The following RANBP2 variants were observed in gnomAD, a reference collection of about 807,000 sequenced individuals.
RANBP2 encodes RAN binding protein 2, also known as E3 SUMO-protein ligase RanBP2.
RANBP2 carries 57 observed loss-of-function variants against 303.6 expected under a neutral mutation model. That is an observed-to-expected ratio of 0.19 (90% confidence interval 0.15 to 0.23). The LOEUF (loss-of-function observed/expected upper bound fraction) is 0.23. Ranked by LOEUF, RANBP2 falls within the 10% of genes least tolerant of loss-of-function variation. The pLI is 1.00. For missense variants in RANBP2, 3,138 were observed against 3,780.8 expected (o/e 0.83, Z 4.46); for synonymous variants, 1,167 against 1,301.5 (o/e 0.90, Z 2.23).
the RANBP2 span, among the ~76,000 whole-genome samples, chr2:109,710,558 G>T: frequency 6.6e-6 from 1 of 152,180 alleles, no homozygotes; most frequent in African/African-American, 2.4e-5. Context: ...GCTCACCTCT[G>T]CGAGGTGCCA....
the RANBP2 span, among the ~76,000 whole-genome samples, chr2:109,499,155 A>G: frequency 1.3e-5 from 2 of 151,938 alleles, no homozygotes; most frequent in African/African-American, 4.8e-5. Context: ...GGAGCCACCC[A>G]CAGGAGACCT....
chr2:109,631,138 G>T, the RANBP2 span, among the ~76,000 whole-genome samples: 4 of 152,190 alleles, frequency 2.6e-5, no homozygotes, highest in African/African-American at 4.8e-5. Context: ...TGCTGTTGAT[G>T]ATTAAACAGA....
the RANBP2 span, among the ~76,000 whole-genome samples, chr2:109,021,419 A>T: frequency 6.6e-6 from 1 of 150,710 alleles, no homozygotes; most frequent in African/African-American, 2.4e-5. Flanking sequence ...GCTACTCGGG[A>T]GGCTGAGGCA....
chr2:109,545,829 G>A, the RANBP2 span: 2 of 1,429,662 alleles, frequency 1.4e-6, no homozygotes, highest in Non-Finnish European at 1.8e-6. Flanking sequence ...CATTCATTTT[G>A]GCAAATACTG....
At chr2:108,851,555 G>A in the RANBP2 span, among the ~76,000 whole-genome samples, 1 of 152,124 alleles carries the variant, frequency 6.6e-6, no homozygotes, top group Non-Finnish European at 1.5e-5. Context: ...GCCCACCTCA[G>A]CCTCCCAAAA....
intron 26 of RANBP2, 114 bp from the exon 27 acceptor site, chr2:108,782,014 C>T: frequency 1.6e-6 from 2 of 1,243,440 alleles, no homozygotes; most frequent in Non-Finnish European, 2.2e-6. Flanking sequence ...ATCACATTAA[C>T]AAATTCTCTT....
At chr2:109,160,727 A>C in the RANBP2 span, among the ~76,000 whole-genome samples, 4 of 151,958 alleles carry the variant, frequency 2.6e-5, no homozygotes, top group African/African-American at 7.3e-5. Context: ...CCCTGCTCCT[A>C]CTCTGGGAGC....
the RANBP2 span, among the ~76,000 whole-genome samples, chr2:109,359,858 C>A: frequency 1.2e-4 from 18 of 152,128 alleles, no homozygotes; most frequent in Non-Finnish European, 2.1e-4. Context: ...GCAAGCACAA[C>A]CATAAAGGGT....
chr2:109,210,538 C>G, the RANBP2 span, among the ~76,000 whole-genome samples: 5 of 152,284 alleles, frequency 3.3e-5, no homozygotes, highest in African/African-American at 1.2e-4. Context: ...GATGGGACAT[C>G]TGGGGCTTTC....
At chr2:109,252,066 T>C in the RANBP2 span, among the ~76,000 whole-genome samples, 11 of 144,438 alleles carry the variant, frequency 7.6e-5, no homozygotes, top group African/African-American at 2.1e-4. Flanking sequence ...GGGCAACATA[T>C]AGAGATGCCA....
the RANBP2 span, among the ~76,000 whole-genome samples, chr2:109,027,738 C>T: frequency 7.2e-5 from 10 of 139,776 alleles, no homozygotes; most frequent in African/African-American, 2.6e-4. Context: ...TTGATGAGGG[C>T]CTGGGCTCCA....
At chr2:109,594,479 CT>C in the RANBP2 span, among the ~76,000 whole-genome samples, 1 of 151,738 alleles carries the variant, frequency 6.6e-6, no homozygotes, top group East Asian at 1.9e-4. Context: ...TTTTTTTTTG[CT>C]GAATCTCTCC....
the RANBP2 span, among the ~76,000 whole-genome samples, chr2:108,985,112 A>T: frequency 5.9e-5 from 9 of 152,180 alleles, no homozygotes; most frequent in East Asian, 1.9e-4. Flanking sequence ...TGGCAGAATC[A>T]ACTCTTTTTT....
chr2:109,026,633 C>T, the RANBP2 span, among the ~76,000 whole-genome samples: 2 of 152,232 alleles, frequency 1.3e-5, no homozygotes, highest in Admixed American at 6.5e-5. Flanking sequence ...AAGCAGCAGC[C>T]CAGACTGTGC....
chr2:109,453,859 G>A, the RANBP2 span, among the ~76,000 whole-genome samples: 1 of 152,196 alleles, frequency 6.6e-6, no homozygotes, highest in African/African-American at 2.4e-5. Context: ...GGCACAGATG[G>A]GAGGATCCTT....
chr2:109,291,313 G>T, the RANBP2 span, among the ~76,000 whole-genome samples: 1 of 150,932 alleles, frequency 6.6e-6, no homozygotes, highest in Non-Finnish European at 1.5e-5. Context: ...ATGCTTGAAG[G>T]AGGTTGTTTG....
At chr2:108,989,282 G>C in the RANBP2 span, 11 of 152,736 alleles carry the variant, frequency 7.2e-5, no homozygotes, top group Non-Finnish European at 1.3e-4. Flanking sequence ...CCATCTAGAG[G>C]TCTCTCCCAG....
the RANBP2 span, among the ~76,000 whole-genome samples, chr2:108,805,956 T>C: frequency 6.6e-6 from 1 of 152,068 alleles, no homozygotes; most frequent in Admixed American, 6.6e-5. Context: ...ACTTTGAAAA[T>C]GAAAGCATTG....
the RANBP2 span, among the ~76,000 whole-genome samples, chr2:109,477,613 GGTGTGTGT>G: frequency 2.7e-5 from 4 of 149,320 alleles, no homozygotes; most frequent in South Asian, 2.1e-4. Flanking sequence ...GCCACAGATG[GGTGTGTGT>G]GTGTGTGTGT....
Sources: gnomAD v4.1 joint callset for allele counts (sites outside exome capture counted in the v4.1 genomes callset) on GRCh38, gnomAD v4.1.1 for gene constraint, MANE v1.5 for transcripts, NCBI Gene and HGNC (gene_info 2026-07-23, HGNC 2026-07-21) for gene names.